SLC25A21: variants seen among roughly 807,000 people sequenced by gnomAD.
SLC25A21 encodes mitochondrial 2-oxodicarboxylate carrier.
In SLC25A21, 47 loss-of-function variants were observed where a neutral mutation model predicts 43.8. That is an observed-to-expected ratio of 1.07 (90% confidence interval 0.85 to 1.37). The LOEUF is 1.37. Among genes scored for constraint, SLC25A21 ranks in the 40% most tolerant of loss-of-function variants. SLC25A21 has a pLI of 0.00. For synonymous variants in SLC25A21, 131 were observed against 121.3 expected, an observed-to-expected ratio of 1.08 and a Z score of -0.52; for missense variants, 352 against 350.2, an observed-to-expected ratio of 1.00 and a Z score of -0.04.
chr14:36,895,089 T>G (rs1049202707), intron 1 of SLC25A21, among the ~76,000 whole-genome samples: 1 of 152,246 alleles, frequency 6.6e-6, no homozygotes, highest in Non-Finnish European at 1.5e-5. Context: ...CTTTTTCTAT[T>G]GATTGGAATA....
intron 3 of SLC25A21, among the ~76,000 whole-genome samples, chr14:36,771,988 C>T (rs543671482): frequency 2.8e-4 from 43 of 152,194 alleles, no homozygotes; most frequent in Non-Finnish European, 4.7e-4. Context: ...GGTCTGAGCT[C>T]GCGAGCAGCA....
At chr14:37,015,850 G>T (rs1960842283) in intron 1 of SLC25A21, among the ~76,000 whole-genome samples, 1 of 152,180 alleles carries the variant, frequency 6.6e-6, no homozygotes, top group African/African-American at 2.4e-5. Context: ...CTTTTGAGAA[G>T]TCTCTGTTCA....
intron 1 of SLC25A21, among the ~76,000 whole-genome samples, chr14:37,026,002 T>C (rs1961084760): frequency 6.6e-6 from 1 of 152,078 alleles, no homozygotes. Context: ...AGTCGGGAGC[T>C]AACCCAGGTA....
chr14:37,169,614 T>G (rs944705059), intron 1 of SLC25A21, among the ~76,000 whole-genome samples: 1 of 76,900 alleles, frequency 1.3e-5, no homozygotes, highest in Admixed American at 1.3e-4. Context: ...CACAGAAGTG[T>G]TGTATTCATG....
chr14:36,938,242 T>C (rs1892473818), intron 1 of SLC25A21, among the ~76,000 whole-genome samples: 1 of 152,120 alleles, frequency 6.6e-6, no homozygotes, highest in Non-Finnish European at 1.5e-5. Context: ...AGATTTCAAT[T>C]TAAACAGACT....
rs577091966 is a variant in SLC25A21, at chr14:36,941,508, C to T, written c.71-66504G>A. On this transcript the variant is annotated intron_variant, in intron 1 of 9. Transcript: ENST00000331299. ...TATAAATCTTGAATCAGATAAGTCTCAACATTTAATAAATGTTTTTACCAC... is the reference window on the plus strand; with the variant it reads ...TATAAATCTTGAATCAGATAAGTCTTAACATTTAATAAATGTTTTTACCAC... Among the ~76,000 whole-genome samples, 201 of 152,024 alleles carry T rather than the reference C, an allele frequency of 1.3e-3. 1 individual carries two copies. Among genetic ancestry groups the T allele is most frequent in the Admixed American group, 2.8e-3 (42 of 15,258 alleles).
chr14:36,970,988 C>T (rs1224523700), intron 1 of SLC25A21, among the ~76,000 whole-genome samples: 1 of 152,094 alleles, frequency 6.6e-6, no homozygotes, highest in Non-Finnish European at 1.5e-5. Context: ...TATACTGAAT[C>T]AATCCCTGCT....
intron 1 of SLC25A21, among the ~76,000 whole-genome samples, chr14:37,089,436 A>C (rs1416502987): frequency 6.6e-6 from 1 of 152,164 alleles, no homozygotes; most frequent in Non-Finnish European, 1.5e-5. Flanking sequence ...CATATAGGAG[A>C]ACTCTTGAGA....
intron 1 of SLC25A21, among the ~76,000 whole-genome samples, chr14:37,087,614 C>T (rs903211515): frequency 6.6e-6 from 1 of 152,190 alleles, no homozygotes; most frequent in Non-Finnish European, 1.5e-5. Flanking sequence ...TTTCCTTTCT[C>T]GCTCATCTAG....
intron 3 of SLC25A21, among the ~76,000 whole-genome samples, chr14:36,768,064 T>G (rs1013126958): frequency 2.6e-5 from 4 of 152,234 alleles, no homozygotes; most frequent in African/African-American, 9.6e-5. Context: ...AGCTCTGTAC[T>G]CTAAAAATCT....
intron 1 of SLC25A21, among the ~76,000 whole-genome samples, chr14:36,951,092 T>C (rs1008918611): frequency 4.6e-5 from 7 of 152,142 alleles, no homozygotes; most frequent in Non-Finnish European, 1.0e-4. Context: ...ATCTGTCATA[T>C]ACCCTAGAGG....
chr14:36,811,816 A>G lies in SLC25A21; in HGVS notation c.203+2102T>C, dbSNP rs569182010. ...TGCACATTAAAAAATTATCAGCTGG[A>G]TTAAAAATTGTAATGTAAAAAACTA... On this transcript the variant is annotated intron_variant, in intron 3 of 9. Transcript: ENST00000331299. Among the ~76,000 whole-genome samples, 113 of 152,366 alleles carry G rather than the reference A, an allele frequency of 7.4e-4. 1 individual carries two copies. The highest frequency in any genetic ancestry group is 7.3e-3 in the Admixed American group (112 of 15,300).
intron 3 of SLC25A21, chr14:36,759,556 T>A (rs1223353654): frequency 2.0e-5 from 3 of 152,222 alleles, no homozygotes; most frequent in Non-Finnish European, 4.4e-5. Flanking sequence ...CGAGATGATC[T>A]CATTTATGTC....
At chr14:36,804,916 G>A (rs1360006212) in intron 3 of SLC25A21, among the ~76,000 whole-genome samples, 1 of 152,146 alleles carries the variant, frequency 6.6e-6, no homozygotes, top group Non-Finnish European at 1.5e-5. Context: ...TCTCTGTAAT[G>A]TGACTGTACT....
chr14:37,116,511 T>A (rs1391163582), intron 1 of SLC25A21, among the ~76,000 whole-genome samples: 1 of 152,102 alleles, frequency 6.6e-6, no homozygotes, highest in Non-Finnish European at 1.5e-5. Context: ...ATCCTTTTAA[T>A]AAAAAATAAT....
intron 1 of SLC25A21, among the ~76,000 whole-genome samples, chr14:36,956,767 G>A (rs1959352405): frequency 6.6e-6 from 1 of 152,094 alleles, no homozygotes; most frequent in East Asian, 1.9e-4. Flanking sequence ...AAACAGAACT[G>A]AAATTTGATT....
intron 1 of SLC25A21, among the ~76,000 whole-genome samples, chr14:36,963,743 G>T (rs1959551411): frequency 6.6e-6 from 1 of 152,162 alleles, no homozygotes; most frequent in South Asian, 2.1e-4. Context: ...CTCAACGAGT[G>T]CCAGGAGTAC....
rs76447361 is a variant in SLC25A21 at position 37,122,961 on chromosome 14, T to C, written c.70+49320A>G. The stretch of plus-strand genomic sequence containing the variant: ...AATTTGCTACTATATCTTAGGCATC[T>C]AAAATCCAATATCAAATAGATACTT... On this transcript the variant is annotated intron_variant, in intron 1 of 9. Transcript: ENST00000331299. Among the ~76,000 whole-genome samples, 2,426 of 152,322 alleles carry C rather than the reference T, an allele frequency of 0.016. 182 individuals carry two copies. The East Asian group carries it at 0.26, about 16-fold the overall frequency.
chr14:36,964,276 A>G (rs913890196), intron 1 of SLC25A21, among the ~76,000 whole-genome samples: 4 of 152,206 alleles, frequency 2.6e-5, no homozygotes, highest in Non-Finnish European at 5.9e-5. Context: ...ATTTTTCTCT[A>G]TATTTGTGTT....
Sources: gnomAD v4.1 joint callset for allele counts (sites outside exome capture counted in the v4.1 genomes callset) on GRCh38, gnomAD v4.1.1 for gene constraint, MANE v1.5 for transcripts, NCBI Gene and HGNC (gene_info 2026-07-23, HGNC 2026-07-21) for gene names.